Variants in MED27 observed in about 807,000 individuals in gnomAD.
MED27 encodes the protein mediator complex subunit 27.
MED27 carries 30 observed loss-of-function variants against 38.2 expected under a neutral mutation model. The ratio of observed to expected loss-of-function variants is 0.79; its 90% CI spans 0.59 to 1.07. The LOEUF (loss-of-function observed/expected upper bound fraction) is 1.07, where lower values mean the gene tolerates loss of function less well. Among genes scored for constraint, MED27 ranks in the 50% least tolerant of loss-of-function variants. The pLI is 0.00. For synonymous variants in MED27, 122 were observed against 153.5 expected (o/e 0.79, Z 1.52); for missense variants, 289 against 397.5 (o/e 0.73, Z 2.32).
intron 6 of MED27, chr9:131,868,602 G>A: frequency 1.0e-6 from 1 of 985,498 alleles, no homozygotes; most frequent in Non-Finnish European, 1.2e-6. Flanking sequence ...ATTGGACAGA[G>A]GAGGAGTGAG....
rs1375186590 is a variant in MED27 at position 132,003,120 on chromosome 9, G to A, written c.479+11217C>T. ...AAAAAAAAATGGATCCAGCTTCTAT[G>A]TGATGAGCTGTACTACACAACCACC... is the stretch of plus-strand genomic sequence containing the variant. On this transcript the variant is annotated intron_variant, in intron 3 of 7. Transcript: ENST00000292035. This position sits in a 1 kb window ranked among gnomAD's most constrained non-coding sequence, Gnocchi z 4.2. 6.6e-6 allele frequency among the ~76,000 whole-genome samples: 1 copy of A among 152,036 alleles called. No homozygotes were observed. The highest frequency in any genetic ancestry group is 1.5e-5 in the Non-Finnish European group (1 of 68,004).
intron 3 of MED27, among the ~76,000 whole-genome samples, chr9:131,968,926 C>T (rs1328019540): frequency 1.3e-5 from 2 of 152,088 alleles, no homozygotes; most frequent in Non-Finnish European, 1.5e-5. Flanking sequence ...TTGTGAACTG[C>T]GCATGCGAGG....
chr9:131,964,007 TG>T (rs1243032103), intron 3 of MED27, among the ~76,000 whole-genome samples: 1 of 152,062 alleles, frequency 6.6e-6, no homozygotes, highest in East Asian at 1.9e-4. Flanking sequence ...TGCCCTTCTA[TG>T]ATGTTGACTA....
intron 2 of MED27, among the ~76,000 whole-genome samples, chr9:132,035,654 A>C (rs542505798): frequency 1.3e-5 from 2 of 152,282 alleles, no homozygotes; most frequent in African/African-American, 4.8e-5. Context: ...GCAAATGATC[A>C]TCTCGACAGT....
chr9:132,071,042 A>C (rs1432232119), intron 2 of MED27, among the ~76,000 whole-genome samples: 1 of 152,210 alleles, frequency 6.6e-6, no homozygotes, highest in African/African-American at 2.4e-5. Flanking sequence ...TGTCCTCAGC[A>C]TCGTCTTAAG....
At chr9:131,986,022 G>C (rs900533040) in intron 3 of MED27, among the ~76,000 whole-genome samples, 1 of 151,982 alleles carries the variant, frequency 6.6e-6, no homozygotes, top group Non-Finnish European at 1.5e-5. Context: ...TACAGAATAA[G>C]AATATAAAGA....
chr9:132,061,947 C>T (rs977193100), intron 2 of MED27, among the ~76,000 whole-genome samples: 1 of 152,202 alleles, frequency 6.6e-6, no homozygotes, highest in African/African-American at 2.4e-5. Flanking sequence ...AATATGCATG[C>T]TCCTTCAGCA....
intron 4 of MED27, among the ~76,000 whole-genome samples, chr9:131,930,224 T>C (rs975369904): frequency 1.3e-5 from 2 of 152,178 alleles, no homozygotes; most frequent in African/African-American, 2.4e-5. Flanking sequence ...TGTCCAAAAC[T>C]AGAGAAAGAC....
intron 3 of MED27, among the ~76,000 whole-genome samples, chr9:131,949,301 T>C (rs1830943671): frequency 6.6e-6 from 1 of 152,190 alleles, no homozygotes; most frequent in Non-Finnish European, 1.5e-5. Flanking sequence ...GAGCTTGGCC[T>C]TTCTGCTAGA....
intron 3 of MED27, among the ~76,000 whole-genome samples, chr9:131,974,420 C>T (rs1831559134): frequency 6.6e-6 from 1 of 152,198 alleles, no homozygotes; most frequent in Non-Finnish European, 1.5e-5. Context: ...ACCATTCTTA[C>T]CACACAGTTC....
intron 3 of MED27, among the ~76,000 whole-genome samples, chr9:132,010,282 T>C (rs1229806346): frequency 6.6e-6 from 1 of 152,144 alleles, no homozygotes; most frequent in Non-Finnish European, 1.5e-5. Flanking sequence ...CATGAAAAAA[T>C]GCTCATCATC....
intron 3 of MED27, among the ~76,000 whole-genome samples, chr9:131,975,967 C>T (rs550809739): frequency 2.7e-4 from 41 of 152,268 alleles, no homozygotes; most frequent in African/African-American, 9.9e-4. Context: ...TTGTTTGATT[C>T]TCTAGGACAT....
intron 3 of MED27, among the ~76,000 whole-genome samples, chr9:132,009,605 T>C (rs886172194): frequency 2.6e-5 from 4 of 152,160 alleles, no homozygotes; most frequent in African/African-American, 9.7e-5. Flanking sequence ...GCCATGTGAG[T>C]GAGCCACCTT....
chr9:131,928,737 G>A (rs1488275838), intron 4 of MED27, among the ~76,000 whole-genome samples: 1 of 152,238 alleles, frequency 6.6e-6, no homozygotes, highest in Non-Finnish European at 1.5e-5. Flanking sequence ...AGCAAGCCTT[G>A]CCAGCGTGTG....
chr9:132,052,469 A>G (rs1376288945), intron 2 of MED27, among the ~76,000 whole-genome samples: 3 of 151,924 alleles, frequency 2.0e-5, no homozygotes, highest in Non-Finnish European at 4.4e-5. Flanking sequence ...ATACACAGGG[A>G]AAAAAAATCT....
intron 2 of MED27, among the ~76,000 whole-genome samples, chr9:132,055,965 A>G (rs1833566717): frequency 6.6e-6 from 1 of 152,214 alleles, no homozygotes; most frequent in Non-Finnish European, 1.5e-5. Context: ...TTAGGAAGCA[A>G]AAGGAGATTA....
intron 3 of MED27, among the ~76,000 whole-genome samples, chr9:131,987,278 C>T (rs1342304889): frequency 6.6e-6 from 1 of 152,028 alleles, no homozygotes; most frequent in Non-Finnish European, 1.5e-5. Flanking sequence ...AGTGTATGAA[C>T]AGGAAGATTT....
chr9:132,073,663 G>A, intron 2 of MED27: 1 of 1,486,488 alleles, frequency 6.7e-7, no homozygotes. Context: ...ATTCTAATAA[G>A]AACAGTTCAG....
At chr9:131,869,420 T>G (rs1282847908) in intron 6 of MED27, 1 of 973,588 alleles carries the variant, frequency 1.0e-6, no homozygotes, top group Non-Finnish European at 1.2e-6. Context: ...TGCTATTAAC[T>G]AATTTAAATC....
Sources: allele counts gnomAD v4.1 joint callset (sites outside exome capture counted in the v4.1 genomes callset), GRCh38; gene constraint gnomAD v4.1.1; non-coding constraint Gnocchi (gnomAD v3.1); transcripts MANE v1.5; gene names NCBI Gene and HGNC (gene_info 2026-07-23, HGNC 2026-07-21).